MDGA2: variants seen among roughly 807,000 people sequenced by gnomAD.
The protein encoded by MDGA2 is MAM domain containing glycosylphosphatidylinositol anchor 2, also known as MAM domain-containing glycosylphosphatidylinositol anchor protein 2.
A neutral mutation model predicts 117.8 loss-of-function variants in MDGA2; 40 were observed. The observed-to-expected ratio is 0.34, with a 90% CI of 0.26 to 0.44. MDGA2 has a LOEUF of 0.44. MDGA2 is among the 20% of genes least tolerant of loss of function. The pLI is 1.00. For synonymous variants in MDGA2, 452 were observed against 439.0 expected, an observed-to-expected ratio of 1.03 and a Z score of -0.37; for missense variants, 1,123 against 1,250.6, an observed-to-expected ratio of 0.90 and a Z score of 1.54.
At chr14:47,437,723 T>G (rs1468425730) in intron 1 of MDGA2, among the ~76,000 whole-genome samples, 1 of 152,182 alleles carries the variant, frequency 6.6e-6, no homozygotes, top group African/African-American at 2.4e-5. Flanking sequence ...GAATTTCATC[T>G]GCAGCTGATC....
intron 12 of MDGA2, among the ~76,000 whole-genome samples, chr14:46,874,560 A>C (rs1416654723): frequency 6.6e-6 from 1 of 151,824 alleles, no homozygotes; most frequent in East Asian, 1.9e-4. Context: ...CAAAACTGTC[A>C]ATTGGAAAAT....
At chr14:46,909,419 G>A (rs1267489661) in intron 10 of MDGA2, among the ~76,000 whole-genome samples, 1 of 152,070 alleles carries the variant, frequency 6.6e-6, no homozygotes, top group Non-Finnish European at 1.5e-5. Flanking sequence ...AAGTCAAGGG[G>A]CTGCTTGGGT....
At chr14:47,077,394 T>C (rs867966061) in intron 6 of MDGA2, among the ~76,000 whole-genome samples, 10 of 152,264 alleles carry the variant, frequency 6.6e-5, no homozygotes, top group Non-Finnish European at 1.5e-4. Context: ...CTTTATCATA[T>C]GCAGTTGTTC....
intron 1 of MDGA2, among the ~76,000 whole-genome samples, chr14:47,644,408 T>C (rs750457330): frequency 6.6e-6 from 1 of 152,172 alleles, no homozygotes; most frequent in Non-Finnish European, 1.5e-5. Flanking sequence ...AATCTTGTCA[T>C]TTTTGAATAA....
At chr14:47,373,747 G>A (rs80322097) in intron 1 of MDGA2, among the ~76,000 whole-genome samples, 27,668 of 151,820 alleles carry the variant, frequency 0.18, 2,689 homozygotes, top group Admixed American at 0.26. Context: ...TTAGATTTCG[G>A]TCATAGCTGC....
intron 9 of MDGA2, among the ~76,000 whole-genome samples, chr14:46,939,865 A>C (rs1884931715): frequency 6.6e-6 from 1 of 152,166 alleles, no homozygotes; most frequent in African/African-American, 2.4e-5. Flanking sequence ...TTTTACACTA[A>C]TTTCCAATAC....
At chr14:47,228,178 A>G (rs184743004) in intron 2 of MDGA2, among the ~76,000 whole-genome samples, 32 of 152,308 alleles carry the variant, frequency 2.1e-4, no homozygotes, top group Admixed American at 7.8e-4. Context: ...AAAAAAAAAT[A>G]CTGGATCTGT....
At chr14:46,990,198 T>C (rs1374970369) in intron 8 of MDGA2, among the ~76,000 whole-genome samples, 1 of 152,094 alleles carries the variant, frequency 6.6e-6, no homozygotes, top group Non-Finnish European at 1.5e-5. Context: ...AGATATCATA[T>C]ATGAAGCACT....
At position 47,540,563 on chromosome 14, in the gene MDGA2, T is replaced by TATACACAC. The variant is rs370481455; in HGVS notation, c.280+133953_280+133954insGTGTGTAT. On this transcript the variant is annotated intron_variant, in intron 1 of 16. Coordinates refer to ENST00000399232, the MANE Select transcript of MDGA2 (RefSeq NM_001113498.3). ...GTGTATATATATATATGTATATATA[T>TATACACAC]ACACACACACATAGAGAGAGAGACA... 3.5e-4 allele frequency among the ~76,000 whole-genome samples: 39 copies of TATACACAC among 112,484 alleles called. No individual in the cohort carries two copies. In the East Asian group the frequency reaches 7.4e-3, roughly 21 times the overall value. 73.8% of individuals were successfully genotyped at this position (112,484 alleles called of 152,430 possible).
chr14:47,040,176 C>A (rs1209083488), intron 7 of MDGA2, among the ~76,000 whole-genome samples: 1 of 152,002 alleles, frequency 6.6e-6, no homozygotes, highest in Admixed American at 6.6e-5. Flanking sequence ...AAATTTTACA[C>A]CTAATATATA....
chr14:47,242,168 C>T lies in MDGA2; in HGVS notation c.421-23973G>A, dbSNP rs140368269. Reference sequence around the variant, plus strand: ...CAGATTATAACACCTTCCCCACACACACACGCTTGCAGTTCTGCTTTTCAA... The same window carrying T: ...CAGATTATAACACCTTCCCCACACATACACGCTTGCAGTTCTGCTTTTCAA... On this transcript the variant is annotated intron_variant, in intron 2 of 16. Transcript: ENST00000399232. Among the ~76,000 whole-genome samples the T allele has an allele frequency of 3.2e-4, 49 of 152,046 alleles. 1 individual carries two copies. The South Asian group carries it at 6.9e-3, about 21-fold the overall frequency.
chr14:46,861,393 T>A (rs1310583117), intron 14 of MDGA2, among the ~76,000 whole-genome samples: 2 of 152,024 alleles, frequency 1.3e-5, no homozygotes, highest in African/African-American at 4.8e-5. Context: ...CCTGTAATTA[T>A]GTTTATATTT....
chr14:47,059,049 T>C, intron 7 of MDGA2: 2 of 1,010,734 alleles, frequency 2.0e-6, no homozygotes, highest in South Asian at 7.7e-5. Flanking sequence ...TCAAATAACT[T>C]TAAGTCAGTA....
intron 3 of MDGA2, among the ~76,000 whole-genome samples, chr14:47,167,463 G>A (rs976736982): frequency 6.6e-6 from 1 of 152,074 alleles, no homozygotes; most frequent in Non-Finnish European, 1.5e-5. Context: ...CTGACTGAGT[G>A]CATAGGGAGA....
chr14:46,967,236 G>A (rs12434790), intron 8 of MDGA2, among the ~76,000 whole-genome samples: 17,932 of 151,978 alleles, frequency 0.12, 2,014 homozygotes, highest in African/African-American at 0.27. Flanking sequence ...GGAGGACTTC[G>A]TATAAGTACA....
At chr14:47,443,720 T>TATC (rs1435482365) in intron 1 of MDGA2, among the ~76,000 whole-genome samples, 1 of 152,178 alleles carries the variant, frequency 6.6e-6, no homozygotes. Flanking sequence ...AAAATTGAGA[T>TATC]ATCAGTAAGC....
chr14:47,504,057 G>C (rs768032409), intron 1 of MDGA2, among the ~76,000 whole-genome samples: 2 of 152,052 alleles, frequency 1.3e-5, no homozygotes, highest in Non-Finnish European at 2.9e-5. Context: ...TTTTTATACA[G>C]CTAGGTGACA....
chr14:47,103,892 A>G (rs1375412511), intron 5 of MDGA2, among the ~76,000 whole-genome samples: 3 of 152,218 alleles, frequency 2.0e-5, no homozygotes, highest in Non-Finnish European at 4.4e-5. Context: ...TACAGCATCT[A>G]CTAGATATCA....
At chr14:46,881,036 AC>A (rs1345811879) in intron 11 of MDGA2, among the ~76,000 whole-genome samples, 1 of 151,660 alleles carries the variant, frequency 6.6e-6, no homozygotes, top group Non-Finnish European at 1.5e-5. Context: ...ACACACACAC[AC>A]ACACAAACAT....
Sources: gnomAD v4.1 joint callset for allele counts (sites outside exome capture counted in the v4.1 genomes callset) on GRCh38, gnomAD v4.1.1 for gene constraint, MANE v1.5 for transcripts, NCBI Gene and HGNC (gene_info 2026-07-23, HGNC 2026-07-21) for gene names.